The following NOD1 variants were observed in gnomAD, a reference collection of about 807,000 sequenced individuals.
The protein encoded by NOD1 is nucleotide-binding oligomerization domain-containing protein 1.
A neutral mutation model predicts 81.2 loss-of-function variants in NOD1; 70 were observed. The observed-to-expected ratio is 0.86, with a 90% CI of 0.71 to 1.05. NOD1 has a LOEUF of 1.05. Ranked by LOEUF, NOD1 falls within the 50% of genes least tolerant of loss-of-function variation. The pLI is 0.00. For synonymous variants in NOD1, 508 were observed against 526.9 expected (o/e 0.96, Z 0.49); for missense variants, 1,233 against 1,228.0 (o/e 1.00, Z -0.06).
intron 6 of NOD1, among the ~76,000 whole-genome samples, chr7:30,449,400 A>G (rs1785451384): frequency 6.6e-6 from 1 of 152,176 alleles, no homozygotes; most frequent in Non-Finnish European, 1.5e-5. Flanking sequence ...AATTCTGCCC[A>G]TACCATTAAG....
intron 11 of NOD1, among the ~76,000 whole-genome samples, chr7:30,434,368 G>A (rs1355482767): frequency 2.0e-5 from 3 of 152,178 alleles, no homozygotes; most frequent in South Asian, 2.1e-4. Flanking sequence ...GGCCATGTCC[G>A]GAGGCATTTT....
intron 7 of NOD1, chr7:30,447,467 A>G (rs1309549101): frequency 4.2e-6 from 1 of 235,874 alleles, no homozygotes; most frequent in Non-Finnish European, 8.5e-6. Flanking sequence ...AAACTTCTCG[A>G]TGTCTACCTT....
chr7:30,438,210 C>T (rs1247785067), intron 9 of NOD1, among the ~76,000 whole-genome samples: 1 of 152,200 alleles, frequency 6.6e-6, no homozygotes, highest in African/African-American at 2.4e-5. Flanking sequence ...GTGGCTACGG[C>T]CATCTTGGTG....
At chr7:30,429,182 G>A (rs1031815197) in intron 13 of NOD1, among the ~76,000 whole-genome samples, 192 bp downstream of exon 13, 2 of 152,264 alleles carry the variant, frequency 1.3e-5, no homozygotes, top group Non-Finnish European at 2.9e-5. Context: ...AGCTTCTCTC[G>A]TAGTGACCTT....
chr7:30,436,141 T>C, intron 10 of NOD1, 60 bp from the exon 11 acceptor site: 1 of 1,345,386 alleles, frequency 7.4e-7, no homozygotes, highest in Non-Finnish European at 1.1e-6. Flanking sequence ...AATCTTAGCT[T>C]CAACATCAGA....
chr7:30,426,206 T>A (rs1376147098), intron 13 of NOD1, among the ~76,000 whole-genome samples: 1 of 152,100 alleles, frequency 6.6e-6, no homozygotes, highest in East Asian at 1.9e-4. Context: ...CGGCCTTGTT[T>A]GTATGTCCGT....
intron 12 of NOD1, 112 bp from the exon 13 acceptor site, chr7:30,429,569 G>T: frequency 1.2e-6 from 1 of 832,852 alleles, no homozygotes; most frequent in Non-Finnish European, 2.1e-6. Context: ...GTCAGGGGAA[G>T]AACTGAGTCC....
intron 12 of NOD1, among the ~76,000 whole-genome samples, chr7:30,430,899 T>C (rs1476159900): frequency 2.6e-5 from 4 of 152,192 alleles, no homozygotes; most frequent in African/African-American, 9.7e-5. Flanking sequence ...GCAGAGGTAA[T>C]GACCTTCCCT....
In NOD1 at chr7:30,451,825, A is replaced by G. The variant is rs781320779; in HGVS notation, c.1592T>C (p.Leu531Pro). ...QAFFTAFFLV[L>P]DDRVGTQELL... is the part of the protein sequence containing the mutation. ...CTCCTGAGTGCCCACCCTGTCGTCC[A>G]GCACGAGGAAGAAGGCTGTAAAGAA... The change falls in exon 6 of 14, where the codon CTG becomes CCG. Residue 531 changes from leucine to proline, a missense_variant. Leu to Pro is a moderately conservative substitution (Grantham distance 98, BLOSUM62 -3). Transcript: ENST00000222823. The surrounding 1 kb of genome is among the most constrained non-coding windows in gnomAD (Gnocchi z 4.2). 2 of 1,613,832 alleles carry G rather than the reference A, an allele frequency of 1.2e-6. No individual in the cohort carries two copies. Among genetic ancestry groups the G allele is most frequent in the Admixed American group, 1.7e-5 (1 of 60,030 alleles).
intron 10 of NOD1, among the ~76,000 whole-genome samples, chr7:30,437,290 A>AGATGACAG (rs1453104143): frequency 2.6e-5 from 4 of 152,190 alleles, no homozygotes; most frequent in African/African-American, 9.7e-5. Flanking sequence ...CTTAAAACCT[A>AGATGACAG]GATGACAGGT....
At chr7:30,435,460 G>T (rs902551607) in intron 11 of NOD1, among the ~76,000 whole-genome samples, 1 of 152,168 alleles carries the variant, frequency 6.6e-6, no homozygotes, top group Admixed American at 6.5e-5. Flanking sequence ...GGCCTAGAAG[G>T]CCAAGGCCTC....
intron 9 of NOD1, among the ~76,000 whole-genome samples, chr7:30,445,435 T>C (rs924940675): frequency 6.6e-6 from 1 of 151,930 alleles, no homozygotes; most frequent in South Asian, 2.1e-4. Flanking sequence ...GGCATAGCCA[T>C]GCAATGGAGT....
At chr7:30,429,876 C>G (rs570171272) in intron 12 of NOD1, among the ~76,000 whole-genome samples, 1 of 152,100 alleles carries the variant, frequency 6.6e-6, no homozygotes, top group Non-Finnish European at 1.5e-5. Context: ...AAAAAATTAG[C>G]TGGGCATGGT....
intron 3 of NOD1, 73 bp downstream of exon 3, chr7:30,459,079 T>C (rs942246433): frequency 7.9e-5 from 12 of 152,592 alleles, no homozygotes; most frequent in African/African-American, 2.4e-4. Context: ...TTAGGATCCT[T>C]AGCTTTAGAA....
In NOD1 at chr7:30,451,693, C is replaced by T. The variant is rs765075055; in HGVS notation, c.1724G>A (p.Arg575Gln). 18 of 1,613,760 alleles carry T rather than the reference C, an allele frequency of 1.1e-5. No homozygotes were observed. The East Asian group carries it at 1.3e-4, about 12-fold the overall frequency. Reference protein sequence around the residue: ...FQCLQGSGPAREDLFKNKDHF... With the variant: ...FQCLQGSGPAQEDLFKNKDHF... ...ATCCTTGTTCTTGAAGAGGTCTTCC[C>T]GCGCCGGACCACTGCCCTGCAGGCA... Residue 575 changes from arginine to glutamine, a missense_variant, in exon 6 of 14, where the codon CGG (arginine) becomes CAG (glutamine). Physicochemically the swap from Arg to Gln is conservative, Grantham distance 43 (BLOSUM62 1). Transcript: ENST00000222823. The surrounding 1 kb of genome is among the most constrained non-coding windows in gnomAD (Gnocchi z 4.2).
Position 30,451,725 on chromosome 7 carries a change from CGGGA to C in NOD1, c.1688_1691del (p.Leu563ArgfsTer50), listed in dbSNP as rs761958363. ...GACCACTGCCCTGCAGGCACTGGAACGGGAGGAAGGGAGGATAGCAGGACGTGGT... is the reference window on the plus strand; with the variant it reads ...GACCACTGCCCTGCAGGCACTGGAACGGAAGGGAGGATAGCAGGACGTGGT... On this transcript the variant is annotated frameshift_variant, in exon 6 of 14. Coordinates refer to ENST00000222823, the MANE Select transcript of NOD1 (RefSeq NM_006092.4). LOFTEE classifies it high-confidence loss of function. This position sits in a 1 kb window ranked among gnomAD's most constrained non-coding sequence, Gnocchi z 4.2. The C allele has an allele frequency of 2.5e-5, 41 of 1,613,422 alleles. No individual in the cohort carries two copies. The highest frequency in any genetic ancestry group is 3.3e-4 in the Middle Eastern group (2 of 6,084).
chr7:30,456,682 G>T (rs769588638), intron 4 of NOD1, 39 bp downstream of exon 4: 3 of 1,565,180 alleles, frequency 1.9e-6, no homozygotes, highest in Non-Finnish European at 2.6e-6. Context: ...AGCTCCCGGG[G>T]TCCACACAAT....
intron 6 of NOD1, among the ~76,000 whole-genome samples, chr7:30,449,967 C>A (rs1271764051): frequency 6.6e-6 from 1 of 152,064 alleles, no homozygotes; most frequent in Non-Finnish European, 1.5e-5. Flanking sequence ...CCGAGGCGGG[C>A]GGATCACCTG....
intron 10 of NOD1, among the ~76,000 whole-genome samples, chr7:30,437,188 C>A (rs573567751): frequency 1.2e-4 from 18 of 151,484 alleles, no homozygotes; most frequent in African/African-American, 4.4e-4. Flanking sequence ...AACACATGGA[C>A]ACATGGAGGG....
Sources: gnomAD v4.1 joint callset for allele counts (sites outside exome capture counted in the v4.1 genomes callset) on GRCh38, gnomAD v4.1.1 for gene constraint, Gnocchi (gnomAD v3.1) non-coding constraint, MANE v1.5 for transcripts, NCBI Gene and HGNC (gene_info 2026-07-23, HGNC 2026-07-21) for gene names.